SORT1: variants seen among roughly 807,000 people sequenced by gnomAD.
SORT1 encodes the protein sortilin 1, also known as sortilin.
A neutral mutation model predicts 101.7 loss-of-function variants in SORT1; 39 were observed. That is an observed-to-expected ratio of 0.38 (90% CI 0.30 to 0.50). The LOEUF (loss-of-function observed/expected upper bound fraction) is 0.50. SORT1 is among the 20% of genes least tolerant of loss of function. SORT1 has a pLI of 0.90. For synonymous variants in SORT1, 396 were observed against 393.7 expected, an observed-to-expected ratio of 1.01 and a Z score of -0.07; for missense variants, 878 against 1,040.4, an observed-to-expected ratio of 0.84 and a Z score of 2.15.
chr1:109,354,573 T>C (rs372752883), intron 4 of SORT1, 42 bp from the exon 5 acceptor site: 2 of 1,487,598 alleles, frequency 1.3e-6, no homozygotes, highest in Non-Finnish European at 1.9e-6. Flanking sequence ...TATGATACTA[T>C]CTATGCAAGC....
chr1:109,366,682 A>G (rs1419300373), intron 3 of SORT1: 1 of 152,218 alleles, frequency 6.6e-6, no homozygotes, highest in Non-Finnish European at 1.5e-5. Context: ...TGAGGTGGGA[A>G]GACAGCTTGA....
Position 109,326,428 on chromosome 1 carries a change from A to AATATAT in SORT1, c.1643+558_1643+563dup, listed in dbSNP as rs1166570516. On this transcript the variant is annotated intron_variant, in intron 13 of 19. Transcript: ENST00000256637. The stretch of plus-strand genomic sequence containing the variant: ...CCATAATAATTTTGTAGACAGAAAG[A>AATATAT]ATATATATATATATATATATATATA... Among the ~76,000 whole-genome samples, 394 of 70,776 alleles carry AATATAT rather than the reference A, an allele frequency of 5.6e-3. 1 individual carries two copies. The highest frequency in any genetic ancestry group is 7.6e-3 in the African/African-American group (129 of 17,006). 46.4% of individuals were successfully genotyped at this position (70,776 alleles called of 152,430 possible). A position where few individuals can be genotyped will look rare whatever the true frequency, so the allele number is the denominator to read the frequency against.
intron 11 of SORT1, among the ~76,000 whole-genome samples, chr1:109,331,267 A>G (rs924913347): frequency 2.6e-5 from 4 of 152,214 alleles, no homozygotes; most frequent in African/African-American, 9.7e-5. Context: ...CAGATTATAT[A>G]CCATGATCAA....
chr1:109,330,200 G>A (rs1314494518), intron 11 of SORT1, among the ~76,000 whole-genome samples: 2 of 151,726 alleles, frequency 1.3e-5, no homozygotes, highest in East Asian at 3.9e-4. Flanking sequence ...AGACCAAGTC[G>A]GCCAGGCTGG....
chr1:109,312,602 A>G lies in SORT1; in HGVS notation c.*1441T>C, dbSNP rs539852294. On this transcript the variant is annotated 3_prime_UTR_variant, in exon 20 of 20. Transcript: ENST00000256637. Reference sequence around the variant, plus strand: ...ATCTACCAAAGAATGTCCCAGTCATAATCATTGGGAGAAACTGTGACCCGC... The same window carrying G: ...ATCTACCAAAGAATGTCCCAGTCATGATCATTGGGAGAAACTGTGACCCGC... 2.4e-4 allele frequency: 37 copies of G among 152,716 alleles called. No individual in the cohort carries two copies. The highest frequency in any genetic ancestry group is 7.9e-4 in the African/African-American group (33 of 41,562). The allele number at this position is 152,716 out of a possible 1,614,324, so 9.5% of individuals were successfully genotyped here.
intron 11 of SORT1, among the ~76,000 whole-genome samples, chr1:109,329,921 C>A (rs1244355327): frequency 6.6e-6 from 1 of 152,200 alleles, no homozygotes; most frequent in African/African-American, 2.4e-5. Flanking sequence ...TTCAAGTGCA[C>A]AGAGAATATT....
At chr1:109,350,378 G>A (rs1649877860) in intron 6 of SORT1, among the ~76,000 whole-genome samples, 1 of 152,182 alleles carries the variant, frequency 6.6e-6, no homozygotes, top group Non-Finnish European at 1.5e-5. Flanking sequence ...GAACAAAGGT[G>A]ACGAGACTCC....
At chr1:109,383,335 C>T (rs781469892) in intron 1 of SORT1, among the ~76,000 whole-genome samples, 3 of 152,128 alleles carry the variant, frequency 2.0e-5, no homozygotes. Context: ...GTCTGCATGC[C>T]TACCATGTGC....
At chr1:109,383,978 A>G (rs1177709214) in intron 1 of SORT1, among the ~76,000 whole-genome samples, 2 of 152,196 alleles carry the variant, frequency 1.3e-5, no homozygotes, top group African/African-American at 4.8e-5. Context: ...GCACAACCTG[A>G]CATCATTACC....
intron 1 of SORT1, among the ~76,000 whole-genome samples, chr1:109,379,643 A>T (rs563196952): frequency 1.3e-5 from 2 of 152,342 alleles, no homozygotes; most frequent in African/African-American, 4.8e-5. Context: ...AGAAGCCAAG[A>T]AGTTTAAGAG....
intron 11 of SORT1, among the ~76,000 whole-genome samples, chr1:109,328,616 T>A (rs1648244335): frequency 6.6e-6 from 1 of 152,240 alleles, no homozygotes; most frequent in African/African-American, 2.4e-5. Flanking sequence ...ATACTCTTGA[T>A]TCTGAAATGT....
intron 13 of SORT1, 45 bp from the exon 14 acceptor site, chr1:109,325,134 T>C: frequency 7.6e-7 from 1 of 1,318,412 alleles, no homozygotes; most frequent in Non-Finnish European, 1.0e-6. Context: ...GATCAATGTG[T>C]ACTGGGAATT....
chr1:109,391,255 A>C (rs1570995386), intron 1 of SORT1, among the ~76,000 whole-genome samples: 2 of 152,326 alleles, frequency 1.3e-5, no homozygotes, highest in South Asian at 4.1e-4. Flanking sequence ...TATTTCACTG[A>C]AGCAAGTTCT....
intron 1 of SORT1, among the ~76,000 whole-genome samples, chr1:109,379,202 G>A (rs1032369967): frequency 8.6e-5 from 13 of 151,862 alleles, no homozygotes; most frequent in Non-Finnish European, 1.2e-4. Context: ...GAGGCAGATT[G>A]TTGGGGTGTC....
chr1:109,362,246 G>C (rs1316366538), intron 3 of SORT1, among the ~76,000 whole-genome samples: 1 of 152,144 alleles, frequency 6.6e-6, no homozygotes, highest in African/African-American at 2.4e-5. Flanking sequence ...TGAGTGCTGT[G>C]ACCAGAAGTT....
At chr1:109,325,709 T>C (rs920456550) in intron 13 of SORT1, among the ~76,000 whole-genome samples, 1 of 151,830 alleles carries the variant, frequency 6.6e-6, no homozygotes, top group Non-Finnish European at 1.5e-5. Flanking sequence ...CTGTGGTGGC[T>C]CACGCCTGTA....
At chr1:109,354,922 A>G (rs1187687096) in intron 4 of SORT1, among the ~76,000 whole-genome samples, 1 of 152,114 alleles carries the variant, frequency 6.6e-6, no homozygotes, top group Admixed American at 6.6e-5. Flanking sequence ...TTCTTATATG[A>G]TCGATATTAA....
In SORT1 at chr1:109,316,939, C is replaced by T; in HGVS notation, c.2161G>A (p.Asp721Asn). 1.2e-6 allele frequency: 2 copies of T among 1,609,894 alleles called. No individual in the cohort carries two copies. The highest frequency in any genetic ancestry group is 1.7e-6 in the Non-Finnish European group (2 of 1,178,242). ...GGATTTACCCCACCCTGGCATTTGT[C>T]CCCTGGAATTTTCCGGTACCTACCA... ...TTNGYRKIPGDKCQGGVNPVR... is the reference protein window; with the variant it reads ...TTNGYRKIPGNKCQGGVNPVR... The change falls in exon 17 of 20, where the codon GAC becomes AAC. Residue 721 changes from aspartate to asparagine, a missense_variant. Transcript: ENST00000256637.
chr1:109,387,206 A>G (rs1652622039), intron 1 of SORT1, among the ~76,000 whole-genome samples: 1 of 152,188 alleles, frequency 6.6e-6, no homozygotes. Flanking sequence ...CAGGAGGATC[A>G]CTTGAACCCA....
Sources: gnomAD v4.1 joint callset for allele counts (sites outside exome capture counted in the v4.1 genomes callset) on GRCh38, gnomAD v4.1.1 for gene constraint, MANE v1.5 for transcripts, NCBI Gene and HGNC (gene_info 2026-07-23, HGNC 2026-07-21) for gene names.